SARS1: variants seen among roughly 807,000 people sequenced by gnomAD.
SARS1 encodes seryl-tRNA synthetase 1, also known as serine--tRNA ligase, cytoplasmic.
In SARS1, 25 loss-of-function variants were observed where a neutral mutation model predicts 63.7. The ratio of observed to expected loss-of-function variants is 0.39; its 90% CI spans 0.29 to 0.55. SARS1 has a LOEUF of 0.55. Among genes scored for constraint, SARS1 ranks in the 20% least tolerant of loss-of-function variants. The pLI is 0.62. For synonymous variants in SARS1, 231 were observed against 243.5 expected, an observed-to-expected ratio of 0.95 and a Z score of 0.48; for missense variants, 417 against 649.7, an observed-to-expected ratio of 0.64 and a Z score of 3.89.
chr1:109,221,961 TG>T (rs1284449906), intron 1 of SARS1, among the ~76,000 whole-genome samples: 374 of 4,326 alleles, frequency 0.086, 22 homozygotes, highest in Non-Finnish European at 0.21. Context: ...CTAATTTTTT[TG>T]TGTGTGTGTA....
chr1:109,218,707 C>T (rs1654851007), intron 1 of SARS1, among the ~76,000 whole-genome samples: 1 of 152,164 alleles, frequency 6.6e-6, no homozygotes, highest in Admixed American at 6.5e-5. Flanking sequence ...ACTGTTGCCT[C>T]TTCCTGGAAT....
At chr1:109,233,484 C>CTTT (rs11375361) in intron 6 of SARS1, among the ~76,000 whole-genome samples, 1 of 146,154 alleles carries the variant, frequency 6.8e-6, no homozygotes. Flanking sequence ...TTCTTCCTTA[C>CTTT]TTTTTTTTTT....
chr1:109,225,405 A>G (rs895439409), intron 2 of SARS1, among the ~76,000 whole-genome samples: 7 of 152,264 alleles, frequency 4.6e-5, no homozygotes, highest in African/African-American at 1.7e-4. Context: ...CGCATACTAG[A>G]GGCCCCATAA....
At chr1:109,216,425 A>G in intron 1 of SARS1, 1 of 985,260 alleles carries the variant, frequency 1.0e-6, no homozygotes, top group Non-Finnish European at 1.2e-6. Context: ...AACTCCAGGG[A>G]TTTGAATGTG....
chr1:109,224,392 T>TG (rs1655022630), intron 2 of SARS1, among the ~76,000 whole-genome samples: 1 of 152,240 alleles, frequency 6.6e-6, no homozygotes, highest in Non-Finnish European at 1.5e-5. Flanking sequence ...TGCTCCATAA[T>TG]GAAAACTACA....
At chr1:109,236,348 A>G in intron 8 of SARS1, 43 bp from the exon 9 acceptor site, 1 of 1,559,340 alleles carries the variant, frequency 6.4e-7, no homozygotes, top group South Asian at 1.2e-5. Context: ...GCCTTCTGAA[A>G]TACCATCCCT....
chr1:109,231,720 T>C lies in SARS1; in HGVS notation c.681T>C (p.Phe227=). The change falls in exon 6 of 11, where the codon TTT becomes TTC. Residue 227 remains phenylalanine, a synonymous_variant. Transcript: ENST00000234677. ...GCTACATTCCCATTTATACCCCCTT[T>C]TTCATGAGGAAGGAGGTCATGCAGG... ...SRGYIPIYTP[F]FMRKEVMQEV... The C allele has an allele frequency of 6.3e-7, 1 of 1,599,982 alleles. No individual in the cohort carries two copies. Among genetic ancestry groups the C allele is most frequent in the Non-Finnish European group, 8.5e-7 (1 of 1,173,946 alleles).
At chr1:109,221,305 C>T (rs1006816730) in intron 1 of SARS1, among the ~76,000 whole-genome samples, 15 of 152,048 alleles carry the variant, frequency 9.9e-5, no homozygotes, top group African/African-American at 1.5e-4. Context: ...ATGATCCGCC[C>T]GCCTCGGCCT....
chr1:109,220,730 T>G (rs752885558), intron 1 of SARS1, among the ~76,000 whole-genome samples: 5 of 152,182 alleles, frequency 3.3e-5, no homozygotes, highest in African/African-American at 4.8e-5. Flanking sequence ...TTATTGACTT[T>G]TCTTCTGTGA....
intron 9 of SARS1, chr1:109,236,806 GA>G: frequency 1.9e-6 from 3 of 1,594,532 alleles, no homozygotes; most frequent in Non-Finnish European, 2.6e-6. Flanking sequence ...TAACTCCAGA[GA>G]AAGAATAATC....
chr1:109,227,151 C>T (rs535099132), intron 2 of SARS1, among the ~76,000 whole-genome samples: 6 of 151,694 alleles, frequency 4.0e-5, no homozygotes, highest in African/African-American at 1.2e-4. Context: ...TCTGCTACCG[C>T]GCCTGCCTAA....
chr1:109,221,281 G>C (rs542419491), intron 1 of SARS1, among the ~76,000 whole-genome samples: 1 of 152,036 alleles, frequency 6.6e-6, no homozygotes, highest in African/African-American at 2.4e-5. Context: ...GGATGGTCTC[G>C]ATCTCTTGAT....
At chr1:109,222,727 T>G (rs1654976975) in intron 1 of SARS1, among the ~76,000 whole-genome samples, 1 of 152,190 alleles carries the variant, frequency 6.6e-6, no homozygotes, top group South Asian at 2.1e-4. Flanking sequence ...AGCTTGAGTT[T>G]GGCTGGATGC....
rs1245947958 is a variant in SARS1, at chr1:109,226,663, T to A, written c.208-1689T>A. On this transcript the variant is annotated intron_variant, in intron 2 of 10. Coordinates refer to ENST00000234677, the MANE Select transcript of SARS1 (RefSeq NM_006513.4). ...TGTACTCCACTATGCCTGGCTAATT[T>A]AAAAAAAAAAAAAAATATATATATA... is the stretch of plus-strand genomic sequence containing the variant. 2.5e-4 allele frequency among the ~76,000 whole-genome samples: 14 copies of A among 55,528 alleles called. 1 individual carries two copies. The highest frequency in any genetic ancestry group is 1.3e-3 in the South Asian group (2 of 1,502). The allele number at this position is 55,528 out of a possible 152,430, so 36.4% of individuals were successfully genotyped here.
In SARS1 at chr1:109,237,479, C is replaced by T; in HGVS notation, c.1387+106C>T. The stretch of plus-strand genomic sequence containing the variant: ...ACCAGGTTTTTTTGTTCAGACACAG[C>T]CCCTGAAACTCTGTCTGCCCTCTCG... On this transcript the variant is annotated intron_variant, in intron 10 of 10. Coordinates refer to ENST00000234677, the MANE Select transcript of SARS1 (RefSeq NM_006513.4). The surrounding 1 kb of genome is among the most constrained non-coding windows in gnomAD (Gnocchi z 4.1). 3.3e-6 allele frequency: 5 copies of T among 1,507,492 alleles called. No homozygotes were observed. Among genetic ancestry groups the T allele is most frequent in the South Asian group, 1.2e-5 (1 of 84,942 alleles). 93.4% of individuals were successfully genotyped at this position (1,507,492 alleles called of 1,614,324 possible).
chr1:109,215,566 C>T (rs912617959), intron 1 of SARS1: 2 of 985,186 alleles, frequency 2.0e-6, no homozygotes, highest in Non-Finnish European at 2.4e-6. Flanking sequence ...TTGGTAAGGC[C>T]TTGATAAAGG....
At chr1:109,215,011 T>A (rs1275886242) in intron 1 of SARS1, 2 of 985,362 alleles carry the variant, frequency 2.0e-6, no homozygotes, top group East Asian at 2.3e-4. Context: ...GCAATAGGTC[T>A]GCAACCATCT....
At position 109,237,684 on chromosome 1, in the gene SARS1, G is replaced by T; in HGVS notation, c.1388-47G>T. On this transcript the variant is annotated intron_variant, in intron 10 of 10. Transcript: ENST00000234677. The surrounding 1 kb of genome is among the most constrained non-coding windows in gnomAD (Gnocchi z 4.1). ...TTCTCCCCAGAGGTCTTAGGGCTTT[G>T]ACTCACTGAGAAACAACAGGTCATT... 1.2e-6 allele frequency: 2 copies of T among 1,605,558 alleles called. No individual in the cohort carries two copies. Among genetic ancestry groups the T allele is most frequent in the South Asian group, 2.2e-5 (2 of 90,672 alleles).
intron 1 of SARS1, among the ~76,000 whole-genome samples, chr1:109,217,880 C>G (rs1234759861): frequency 6.6e-6 from 1 of 152,074 alleles, no homozygotes; most frequent in Non-Finnish European, 1.5e-5. Flanking sequence ...ATTTTCAACA[C>G]ATAATCAGTA....
Sources: gnomAD v4.1 joint callset for allele counts (sites outside exome capture counted in the v4.1 genomes callset) on GRCh38, gnomAD v4.1.1 for gene constraint, Gnocchi (gnomAD v3.1) non-coding constraint, MANE v1.5 for transcripts, NCBI Gene and HGNC (gene_info 2026-07-23, HGNC 2026-07-21) for gene names.